The following MAF variants were observed in gnomAD, a reference collection of about 807,000 sequenced individuals.
The protein encoded by MAF is MAF bZIP transcription factor, also known as transcription factor Maf.
MAF carries 10 observed loss-of-function variants against 22.0 expected under a neutral mutation model. The ratio of observed to expected loss-of-function variants is 0.45; its 90% CI spans 0.28 to 0.77. The LOEUF is 0.77. Ranked by LOEUF, MAF falls within the 30% of genes least tolerant of loss-of-function variation. The pLI is 0.12. For missense variants in MAF, 544 were observed against 548.4 expected (o/e 0.99, Z 0.08); for synonymous variants, 337 against 255.8 (o/e 1.32, Z -3.03).
At chr16:79,434,467 G>A in the MAF span, among the ~76,000 whole-genome samples, 9 of 152,118 alleles carry the variant, frequency 5.9e-5, no homozygotes, top group African/African-American at 2.2e-4. Context: ...GTAACAATTG[G>A]CTCTTGGGGG....
the MAF span, among the ~76,000 whole-genome samples, chr16:79,448,478 T>G: frequency 2.0e-5 from 3 of 151,694 alleles, no homozygotes; most frequent in African/African-American, 7.3e-5. Context: ...TGGGCTGGAG[T>G]ACGGTGGTGC....
the MAF span, among the ~76,000 whole-genome samples, chr16:79,244,690 C>G: frequency 6.6e-6 from 1 of 152,062 alleles, no homozygotes; most frequent in South Asian, 2.1e-4. Context: ...CTACCATTGA[C>G]TTTCTTCACA....
intron 1 of MAF, chr16:79,597,763 GA>G (rs1055278187): frequency 5.3e-5 from 54 of 1,018,568 alleles, no homozygotes; most frequent in Non-Finnish European, 6.3e-5. Context: ...AAAAAAAAAG[GA>G]AAAAATAATT....
intron 1 of MAF, among the ~76,000 whole-genome samples, chr16:79,587,374 A>G (rs1312525032): frequency 6.6e-6 from 1 of 152,082 alleles, no homozygotes; most frequent in Non-Finnish European, 1.5e-5. Flanking sequence ...GTTGTTCTCC[A>G]TTTGAAGTTC....
At chr16:79,436,731 C>T in the MAF span, among the ~76,000 whole-genome samples, 3 of 152,276 alleles carry the variant, frequency 2.0e-5, no homozygotes, top group East Asian at 3.9e-4. Flanking sequence ...TTATATTTGT[C>T]GGTTTCACTG....
the MAF span, among the ~76,000 whole-genome samples, chr16:79,335,227 A>C: frequency 6.6e-6 from 1 of 151,962 alleles, no homozygotes; most frequent in Non-Finnish European, 1.5e-5. Flanking sequence ...CATAGAATGA[A>C]ATAGAAATCA....
the MAF span, among the ~76,000 whole-genome samples, chr16:79,317,252 CCTT>C: frequency 1.4e-5 from 2 of 145,928 alleles, no homozygotes; most frequent in South Asian, 2.3e-4. Context: ...CTCCTTCCTT[CCTT>C]CTTTCCTTCC....
the MAF span, among the ~76,000 whole-genome samples, chr16:79,379,129 G>T: frequency 1.3e-5 from 2 of 152,100 alleles, no homozygotes; most frequent in Non-Finnish European, 2.9e-5. Flanking sequence ...AGATAATTTG[G>T]GTAAGATCTC....
the MAF span, among the ~76,000 whole-genome samples, chr16:79,403,295 G>T: frequency 6.6e-6 from 1 of 152,184 alleles, no homozygotes; most frequent in Admixed American, 6.5e-5. Flanking sequence ...GCCCTGGAGC[G>T]GTATAGGGGC....
At chr16:79,576,803 G>T in the MAF span, among the ~76,000 whole-genome samples, 1 of 152,040 alleles carries the variant, frequency 6.6e-6, no homozygotes, top group African/African-American at 2.4e-5. Context: ...TAATCCAGGT[G>T]CTTTACATAC....
chr16:79,555,411 G>A, the MAF span, among the ~76,000 whole-genome samples: 1 of 152,152 alleles, frequency 6.6e-6, no homozygotes, highest in African/African-American at 2.4e-5. Context: ...TGGTGTACTG[G>A]TAAATGTTTA....
chr16:79,362,956 C>T, the MAF span, among the ~76,000 whole-genome samples: 2 of 152,118 alleles, frequency 1.3e-5, no homozygotes, highest in Non-Finnish European at 2.9e-5. Flanking sequence ...TTATGATTAA[C>T]TATCCAACTA....
the MAF span, among the ~76,000 whole-genome samples, chr16:79,542,276 C>G: frequency 6.6e-6 from 1 of 152,150 alleles, no homozygotes; most frequent in Non-Finnish European, 1.5e-5. Context: ...GGAACGCAAA[C>G]AGGAAAGCGG....
At chr16:79,514,660 G>C in the MAF span, among the ~76,000 whole-genome samples, 16 of 152,258 alleles carry the variant, frequency 1.1e-4, no homozygotes, top group African/African-American at 3.9e-4. Flanking sequence ...CCTATGGATA[G>C]TCCCTGTCTA....
chr16:79,255,757 A>T, the MAF span, among the ~76,000 whole-genome samples: 1 of 152,060 alleles, frequency 6.6e-6, no homozygotes. Context: ...GTCACTGATG[A>T]CCTGGGAGAT....
the MAF span, among the ~76,000 whole-genome samples, chr16:79,280,913 T>C: frequency 6.6e-6 from 1 of 152,158 alleles, no homozygotes; most frequent in African/African-American, 2.4e-5. Flanking sequence ...GTTTCCCTCT[T>C]CCTTGATCCA....
the MAF span, among the ~76,000 whole-genome samples, chr16:79,482,920 C>T: frequency 9.9e-6 from 1 of 101,508 alleles, no homozygotes; most frequent in South Asian, 4.9e-4. Context: ...TTCCTTCCCT[C>T]CCTCCCTCTC....
At chr16:79,555,686 A>C in the MAF span, among the ~76,000 whole-genome samples, 2 of 152,210 alleles carry the variant, frequency 1.3e-5, no homozygotes, top group Non-Finnish European at 2.9e-5. Flanking sequence ...CAGATTTCTG[A>C]TTTTCAGATT....
the MAF span, among the ~76,000 whole-genome samples, chr16:79,544,009 G>A: frequency 6.6e-6 from 1 of 152,206 alleles, no homozygotes; most frequent in Non-Finnish European, 1.5e-5. Context: ...CTTGTACCAA[G>A]GTAGAGAGAC....
Sources: gnomAD v4.1 joint callset for allele counts (sites outside exome capture counted in the v4.1 genomes callset) on GRCh38, gnomAD v4.1.1 for gene constraint, MANE v1.5 for transcripts, NCBI Gene and HGNC (gene_info 2026-07-23, HGNC 2026-07-21) for gene names.